CA4: variants seen among roughly 807,000 people sequenced by gnomAD.
The protein encoded by CA4 is CA-IV.
A neutral mutation model predicts 34.5 loss-of-function variants in CA4; 24 were observed. That is an observed-to-expected ratio of 0.70 (90% CI 0.50 to 0.98). The LOEUF is 0.98. CA4 is among the 50% of genes least tolerant of loss of function. The pLI is 0.00. For synonymous variants in CA4, 178 were observed against 170.6 expected (o/e 1.04, Z -0.34); for missense variants, 394 against 396.7 (o/e 0.99, Z 0.06).
chr17:60,167,476 G>A (rs2083867348), intron 5 of CA4, among the ~76,000 whole-genome samples: 1 of 152,244 alleles, frequency 6.6e-6, no homozygotes, highest in Non-Finnish European at 1.5e-5. Flanking sequence ...GCATCGAAGT[G>A]CCCAGGCCAA....
chr17:60,157,626 C>G, intron 4 of CA4, 54 bp downstream of exon 4: 1 of 1,613,948 alleles, frequency 6.2e-7, no homozygotes, highest in Non-Finnish European at 8.5e-7. Context: ...GCGCACCTGC[C>G]TTGGGCAAGG....
chr17:60,155,236 C>A, intron 1 of CA4, 78 bp from the exon 2 acceptor site: 2 of 1,393,398 alleles, frequency 1.4e-6, no homozygotes, highest in Non-Finnish European at 2.0e-6. Context: ...CAGGGGTAGG[C>A]CCAGCCTCTG....
intron 7 of CA4, 28 bp from the exon 8 acceptor site, chr17:60,159,202 G>A (rs146362767): frequency 7.0e-6 from 11 of 1,574,412 alleles, no homozygotes; most frequent in Admixed American, 1.8e-5. Context: ...CCCCTGCCCC[G>A]ACCTGCTGAG....
At chr17:60,175,921 A>G in the CA4 span, among the ~76,000 whole-genome samples, 1 of 151,110 alleles carries the variant, frequency 6.6e-6, no homozygotes, top group Non-Finnish European at 1.5e-5. Context: ...GGTTCAAGCA[A>G]TTCTCCTGCC....
chr17:60,175,129 C>T (rs1342151744), downstream of CA4, among the ~76,000 whole-genome samples: 1 of 151,884 alleles, frequency 6.6e-6, no homozygotes, highest in African/African-American at 2.4e-5. Context: ...GAGCGATCCT[C>T]CCACCTCAGC....
intron 3 of CA4, chr17:60,156,962 C>T (rs1222923069): frequency 5.1e-6 from 3 of 583,478 alleles, no homozygotes; most frequent in South Asian, 3.9e-5. Context: ...TGTGCAAAGG[C>T]GCGGAGGCAT....
At chr17:60,170,857 T>G (rs959547593) in exon 6 of CA4, 3 of 152,246 alleles carry the variant, frequency 2.0e-5, no homozygotes, top group African/African-American at 7.2e-5. Flanking sequence ...TGACTACCGT[T>G]GTGCCAGGAG....
In CA4 at chr17:60,150,010, A is replaced by G; in HGVS notation, c.-25A>G. 1.3e-6 allele frequency: 2 copies of G among 1,596,274 alleles called. No individual in the cohort carries two copies. The highest frequency in any genetic ancestry group is 1.7e-6 in the Non-Finnish European group (2 of 1,174,114). ...CTCCTCGGTGCGCGACCCCCGGCTCAGAGGACTCTTTGCTGTCCCGCAAGA... is the reference window on the plus strand; with the variant it reads ...CTCCTCGGTGCGCGACCCCCGGCTCGGAGGACTCTTTGCTGTCCCGCAAGA... On this transcript the variant is annotated 5_prime_UTR_variant, in exon 1 of 8. Coordinates refer to ENST00000300900, the MANE Select transcript of CA4 (RefSeq NM_000717.5).
chr17:60,158,624 CCA>C, intron 7 of CA4, 178 bp downstream of exon 7: 1 of 656,388 alleles, frequency 1.5e-6, no homozygotes, highest in Admixed American at 2.4e-5. Context: ...TGTTCCATCA[CCA>C]GATTGGGGGC....
rs185942554 is a variant in CA4 at position 60,158,078 on chromosome 17, C to T, written c.531C>T (p.Asn177=). 27 of 1,613,798 alleles carry T rather than the reference C, an allele frequency of 1.7e-5. No homozygotes were observed. Among genetic ancestry groups the T allele is most frequent in the Middle Eastern group, 1.6e-4 (1 of 6,062 alleles). ...CTTTCCAGGCTGGAACCCAGGTGAA[C>T]GAGGGCTTCCAGCCACTGGTGGAGG... is the stretch of plus-strand genomic sequence containing the variant. ...AFLVEAGTQV[N]EGFQPLVEAL... The change falls in exon 6 of 8, where the codon AAC becomes AAT. Residue 177 remains asparagine, a synonymous_variant. Transcript: ENST00000300900.
intron 5 of CA4, among the ~76,000 whole-genome samples, chr17:60,167,895 C>T (rs1282429983): frequency 2.0e-5 from 3 of 152,140 alleles, no homozygotes; most frequent in African/African-American, 4.8e-5. Context: ...CTAGATGAAG[C>T]TGTGTATCCT....
chr17:60,174,755 G>A (rs1307884860), downstream of CA4, among the ~76,000 whole-genome samples: 2 of 152,292 alleles, frequency 1.3e-5, no homozygotes, highest in Middle Eastern at 3.4e-3. Context: ...AACTGGGATC[G>A]CCACTCCCCA....
At position 60,155,233 on chromosome 17, in the gene CA4, A is replaced by G; in HGVS notation, c.59-81A>G. ...CAAGAGGGGCTCCAACCCCAGGGGT[A>G]GGCCCAGCCTCTGATCCTCCTGTGT... is the stretch of plus-strand genomic sequence containing the variant. On this transcript the variant is annotated intron_variant, in intron 1 of 7. Coordinates refer to ENST00000300900, the MANE Select transcript of CA4 (RefSeq NM_000717.5). 3 of 1,337,352 alleles carry G rather than the reference A, an allele frequency of 2.2e-6. No individual in the cohort carries two copies. In the Admixed American group the frequency reaches 5.7e-5, roughly 25 times the overall value. 82.8% of individuals were successfully genotyped at this position (1,337,352 alleles called of 1,614,324 possible).
chr17:60,158,693 C>G, intron 7 of CA4: 1 of 564,766 alleles, frequency 1.8e-6, no homozygotes, highest in South Asian at 2.0e-5. Flanking sequence ...GGGTTTCTAT[C>G]ATGAACGAGG....
downstream of CA4, among the ~76,000 whole-genome samples, chr17:60,163,196 G>GGGGCTGT (rs568695137): frequency 4.3e-3 from 654 of 152,118 alleles, 7 homozygotes; most frequent in African/African-American, 0.015. Context: ...CAGAGTCGTG[G>GGGGCTGT]GGGCTGTGTG....
At position 60,159,352 on chromosome 17, in the gene CA4, G is replaced by T. The variant is rs367980627; in HGVS notation, c.867G>T (p.Arg289=). 4.3e-6 allele frequency: 7 copies of T among 1,610,242 alleles called. No homozygotes were observed. Among genetic ancestry groups the T allele is most frequent in the Non-Finnish European group, 5.9e-6 (7 of 1,178,608 alleles). Residue 289 remains arginine (R), a synonymous_variant, in exon 8 of 8, where the codon CGG becomes CGT. Coordinates refer to ENST00000300900, the MANE Select transcript of CA4 (RefSeq NM_000717.5). ...TGATAAAGTCCGGGGCCCCGGGTCG[G>T]CCGCTGCCCTGGGCCCTGCCTGCCC... ...RTVIKSGAPG[R]PLPWALPALL...
chr17:60,160,811 C>A (rs961494651), downstream of CA4, among the ~76,000 whole-genome samples: 1 of 143,306 alleles, frequency 7.0e-6, no homozygotes, highest in Non-Finnish European at 1.5e-5. Flanking sequence ...GGGGAAGGGG[C>A]GGCTGGGAGG....
intron 3 of CA4, 140 bp downstream of exon 3, chr17:60,156,855 C>T: frequency 1.5e-5 from 12 of 791,706 alleles, no homozygotes; most frequent in Non-Finnish European, 2.6e-5. Flanking sequence ...TGGGGGAGGA[C>T]AGCTTCCAGG....
chr17:60,164,002 G>A (rs558827865), downstream of CA4, among the ~76,000 whole-genome samples: 131 of 151,966 alleles, frequency 8.6e-4, 3 homozygotes, highest in South Asian at 0.025. Flanking sequence ...GTGGTGGCAC[G>A]CCTATGGTCC....
Sources: gnomAD v4.1 joint callset for allele counts (sites outside exome capture counted in the v4.1 genomes callset) on GRCh38, gnomAD v4.1.1 for gene constraint, MANE v1.5 for transcripts, NCBI Gene and HGNC (gene_info 2026-07-23, HGNC 2026-07-21) for gene names.